Variants in WWOX observed in about 807,000 individuals in gnomAD.
WWOX encodes WW domain-containing oxidoreductase.
WWOX carries 69 observed loss-of-function variants against 46.2 expected under a neutral mutation model. The observed-to-expected ratio is 1.49, with a 90% CI of 1.23 to 1.82. The LOEUF is 1.82. WWOX is among the 40% of genes most tolerant of loss of function. The probability of loss-of-function intolerance (pLI) is 0.00; values close to 1 mark genes in which losing one functional copy is unlikely to be tolerated. For missense variants in WWOX, 919 were observed against 542.6 expected (o/e 1.69, Z -6.89); for synonymous variants, 359 against 202.6 (o/e 1.77, Z -6.56).
At chr16:78,766,190 G>C (rs2049921379) in intron 8 of WWOX, among the ~76,000 whole-genome samples, 1 of 152,178 alleles carries the variant, frequency 6.6e-6, no homozygotes, top group African/African-American at 2.4e-5. Context: ...GCGTGCCTTG[G>C]CCTTTTCTGG....
intron 5 of WWOX, among the ~76,000 whole-genome samples, chr16:78,216,922 C>T (rs576993874): frequency 6.6e-6 from 1 of 152,234 alleles, no homozygotes; most frequent in African/African-American, 2.4e-5. Flanking sequence ...GGGGTTTCAC[C>T]ATGTTGGCGA....
At chr16:78,622,226 A>T (rs1386302798) in intron 8 of WWOX, among the ~76,000 whole-genome samples, 5 of 152,130 alleles carry the variant, frequency 3.3e-5, no homozygotes, top group Non-Finnish European at 5.9e-5. Flanking sequence ...GATTAAATAA[A>T]TTCTGACCCT....
chr16:78,707,119 C>T (rs894640722), intron 8 of WWOX, among the ~76,000 whole-genome samples: 2 of 152,162 alleles, frequency 1.3e-5, no homozygotes, highest in Admixed American at 6.5e-5. Context: ...CAGAGCCTTC[C>T]TATAGTGTTG....
chr16:78,147,675 CTTTTTT>C (rs33931881), intron 4 of WWOX, among the ~76,000 whole-genome samples: 21 of 90,636 alleles, frequency 2.3e-4, no homozygotes, highest in Middle Eastern at 6.5e-3. Flanking sequence ...TTCTTTCTTC[CTTTTTT>C]TTTTTTTTTT....
intron 6 of WWOX, among the ~76,000 whole-genome samples, chr16:78,397,910 G>T (rs180888055): frequency 2.6e-5 from 4 of 152,296 alleles, no homozygotes; most frequent in African/African-American, 9.6e-5. Flanking sequence ...ATTCTCGTCC[G>T]CTCAGTTAAG....
At chr16:78,514,443 C>T (rs1227699619) in intron 8 of WWOX, among the ~76,000 whole-genome samples, 1 of 152,084 alleles carries the variant, frequency 6.6e-6, no homozygotes, top group Admixed American at 6.5e-5. Context: ...ATACATTTTC[C>T]ATGTGTGGAG....
intron 8 of WWOX, among the ~76,000 whole-genome samples, chr16:79,064,027 T>C (rs564944876): frequency 1.7e-4 from 26 of 152,340 alleles, no homozygotes; most frequent in Admixed American, 1.6e-3. Context: ...AATATTTGTA[T>C]TTTAGAAGCC....
intron 4 of WWOX, among the ~76,000 whole-genome samples, chr16:78,141,816 T>C (rs181267779): frequency 1.3e-5 from 2 of 152,200 alleles, no homozygotes; most frequent in African/African-American, 4.8e-5. Flanking sequence ...TTCAGAATTA[T>C]ACGGTGCTAA....
intron 8 of WWOX, among the ~76,000 whole-genome samples, chr16:78,943,881 C>T (rs2045899633): frequency 6.6e-6 from 1 of 152,150 alleles, no homozygotes; most frequent in African/African-American, 2.4e-5. Context: ...TATGTGGTCC[C>T]TGAGATGAAG....
At chr16:78,915,598 C>A (rs1222757154) in intron 8 of WWOX, among the ~76,000 whole-genome samples, 1 of 152,042 alleles carries the variant, frequency 6.6e-6, no homozygotes. Flanking sequence ...ATTGCTGGTT[C>A]CTATTAGCAA....
At chr16:79,048,830 A>G (rs2048113345) in intron 8 of WWOX, among the ~76,000 whole-genome samples, 2 of 152,138 alleles carry the variant, frequency 1.3e-5, no homozygotes, top group Admixed American at 1.3e-4. Flanking sequence ...CCAGCATTGT[A>G]GCTGCCCTGA....
At chr16:78,397,996 G>A (rs1650558287) in intron 6 of WWOX, among the ~76,000 whole-genome samples, 1 of 152,220 alleles carries the variant, frequency 6.6e-6, no homozygotes, top group African/African-American at 2.4e-5. Context: ...GGCAGCTGTT[G>A]ACTGTCATTT....
At chr16:79,125,845 C>G (rs1006618348) in intron 8 of WWOX, among the ~76,000 whole-genome samples, 4 of 152,126 alleles carry the variant, frequency 2.6e-5, no homozygotes, top group African/African-American at 9.7e-5. Context: ...TTTGCCATAG[C>G]TTTTTACTTC....
chr16:79,077,565 A>T (rs1302611171), intron 8 of WWOX: 1 of 151,980 alleles, frequency 6.6e-6, no homozygotes, highest in South Asian at 2.1e-4. Flanking sequence ...ACATACCGAC[A>T]GCATACAAAT....
At chr16:78,108,298 C>T (rs539948301) in intron 1 of WWOX, 125 bp from the exon 2 acceptor site, 5 of 949,558 alleles carry the variant, frequency 5.3e-6, no homozygotes, top group East Asian at 5.5e-5. Context: ...AGTCCTCTTT[C>T]TCCTTCTTCC....
intron 8 of WWOX, among the ~76,000 whole-genome samples, chr16:78,634,004 G>A (rs1003738996): frequency 8.6e-5 from 13 of 151,940 alleles, no homozygotes; most frequent in African/African-American, 3.1e-4. Context: ...GACCAAAGAG[G>A]CAACCCTCGA....
intron 8 of WWOX, among the ~76,000 whole-genome samples, chr16:78,856,598 A>G (rs904663449): frequency 6.6e-6 from 1 of 152,156 alleles, no homozygotes; most frequent in African/African-American, 2.4e-5. Context: ...AGCCCAGATC[A>G]TGCCACTGCA....
At chr16:78,321,151 G>C (rs577006761) in intron 5 of WWOX, among the ~76,000 whole-genome samples, 20 of 152,002 alleles carry the variant, frequency 1.3e-4, no homozygotes, top group African/African-American at 4.8e-4. Flanking sequence ...TTGCAAAAAG[G>C]AATGTATAGG....
At chr16:78,825,298 C>G (rs1159335483) in intron 8 of WWOX, 1 of 293,768 alleles carries the variant, frequency 3.4e-6, no homozygotes, top group Non-Finnish European at 6.8e-6. Flanking sequence ...CGCGAATTTC[C>G]AAGAAGAGGA....
Sources: allele counts gnomAD v4.1 joint callset (sites outside exome capture counted in the v4.1 genomes callset), GRCh38; gene constraint gnomAD v4.1.1; transcripts MANE v1.5; gene names NCBI Gene and HGNC (gene_info 2026-07-23, HGNC 2026-07-21).